Variants in ARIH1 observed in about 807,000 individuals in gnomAD.
ARIH1 encodes E3 ubiquitin-protein ligase ARIH1.
Under a neutral mutation model 85.0 loss-of-function variants are expected in ARIH1, and 8 were observed. The ratio of observed to expected loss-of-function variants is 0.09; its 90% CI spans 0.06 to 0.17. The LOEUF (loss-of-function observed/expected upper bound fraction) is 0.17, where lower values mean the gene tolerates loss of function less well. Among genes scored for constraint, ARIH1 ranks in the 10% least tolerant of loss-of-function variants. ARIH1 has a pLI of 1.00. For synonymous variants in ARIH1, 238 were observed against 253.6 expected (o/e 0.94, Z 0.59); for missense variants, 311 against 718.1 (o/e 0.43, Z 6.48).
At chr15:72,554,675 G>C (rs2064167490) in intron 3 of ARIH1, among the ~76,000 whole-genome samples, 1 of 152,168 alleles carries the variant, frequency 6.6e-6, no homozygotes, top group Non-Finnish European at 1.5e-5. Context: ...ATATGAGCCA[G>C]TGTGCTCTGC....
chr15:72,504,229 A>G (rs923956449), intron 1 of ARIH1, among the ~76,000 whole-genome samples: 2 of 151,902 alleles, frequency 1.3e-5, no homozygotes, highest in Non-Finnish European at 2.9e-5. Context: ...TAATTTTTGT[A>G]TTTTTAGTAG....
intron 11 of ARIH1, among the ~76,000 whole-genome samples, chr15:72,574,311 TC>T (rs2064260558): frequency 6.6e-6 from 1 of 152,234 alleles, no homozygotes; most frequent in South Asian, 2.1e-4. Context: ...AAGAAAGATT[TC>T]CTATCACTCC....
intron 8 of ARIH1, 95 bp from the exon 9 acceptor site, chr15:72,567,011 T>G: frequency 1.1e-6 from 1 of 894,684 alleles, no homozygotes; most frequent in Non-Finnish European, 1.7e-6. Context: ...ATTCATTGGC[T>G]TTTACATTTA....
At position 72,513,098 on chromosome 15, in the gene ARIH1, A is replaced by T. The variant is rs997952; in HGVS notation, c.376-4969A>T. 5.6e-3 allele frequency among the ~76,000 whole-genome samples: 849 copies of T among 152,036 alleles called. 10 individuals are homozygous for T. Among genetic ancestry groups the T allele is most frequent in the African/African-American group, 0.019 (795 of 41,470 alleles). On this transcript the variant is annotated intron_variant, in intron 1 of 13. Coordinates refer to ENST00000379887, the MANE Select transcript of ARIH1 (RefSeq NM_005744.5). ...GACAGCATAGAGTTTTGCCCTTTTT[A>T]AAAAAAAGATCTGAGCGGTTGCCCT...
At chr15:72,534,310 G>A (rs1169578165) in intron 2 of ARIH1, among the ~76,000 whole-genome samples, 1 of 151,882 alleles carries the variant, frequency 6.6e-6, no homozygotes, top group Non-Finnish European at 1.5e-5. Flanking sequence ...AAAAAAAACA[G>A]GGTAGTGATC....
intron 3 of ARIH1, among the ~76,000 whole-genome samples, chr15:72,547,932 A>G (rs905744923): frequency 9.8e-5 from 15 of 152,326 alleles, no homozygotes; most frequent in South Asian, 2.1e-4. Context: ...TGGTCTAACA[A>G]TCTCAACAAA....
Position 72,583,857 on chromosome 15 carries a change from A to G in ARIH1, c.*565A>G, listed in dbSNP as rs1274410468. On this transcript the variant is annotated 3_prime_UTR_variant, in exon 14 of 14. Transcript: ENST00000379887. ...GAGGATTCAACAAACGAAAAACATA[A>G]AAACTTTGTATATGACTTTTAAAAC... 1 of 152,340 alleles carries G rather than the reference A, an allele frequency of 6.6e-6. No homozygotes were observed. The highest frequency in any genetic ancestry group is 1.5e-5 in the Non-Finnish European group (1 of 68,118). The allele number at this position is 152,340 out of a possible 1,614,324, so 9.4% of individuals were successfully genotyped here. A position where few individuals can be genotyped will look rare whatever the true frequency, so the allele number is the denominator to read the frequency against.
chr15:72,512,085 G>C (rs557237558), intron 1 of ARIH1, among the ~76,000 whole-genome samples: 2 of 152,152 alleles, frequency 1.3e-5, no homozygotes, highest in South Asian at 4.1e-4. Flanking sequence ...TTTCATTGAG[G>C]ATTTTTGCAT....
chr15:72,474,915 G>T lies in ARIH1; in HGVS notation c.276G>T (p.Gly92=), dbSNP rs1027791581. The T allele has an allele frequency of 6.7e-7, 1 of 1,484,308 alleles. No homozygotes were observed. The highest frequency in any genetic ancestry group is 2.3e-5 in the Admixed American group (1 of 43,698). 91.9% of individuals were successfully genotyped at this position (1,484,308 alleles called of 1,614,324 possible). A position where few individuals can be genotyped will look rare whatever the true frequency, so the allele number is the denominator to read the frequency against. Residue 92 remains glycine (G), a synonymous_variant, in exon 1 of 14, where the codon GGG becomes GGT. Coordinates refer to ENST00000379887, the MANE Select transcript of ARIH1 (RefSeq NM_005744.5). ...GCGGCGGTGGTGGTGGCGGGCCGGG[G>T]CATGAGCAGGAGGAGGATTACCGCT... ...GGGGGGGGGP[G]HEQEEDYRYE... is the part of the protein sequence containing the mutation.
At position 72,518,206 on chromosome 15, in the gene ARIH1, T is replaced by G. The variant is rs1264902107; in HGVS notation, c.443+72T>G. ...GCCTATTGAACCGAATTTACAAGAATCAAGTAAGGGAATTGATGAATATAC... is the reference window on the plus strand; with the variant it reads ...GCCTATTGAACCGAATTTACAAGAAGCAAGTAAGGGAATTGATGAATATAC... On this transcript the variant is annotated intron_variant, in intron 2 of 13. Transcript: ENST00000379887. 3.0e-6 allele frequency: 4 copies of G among 1,312,134 alleles called. No homozygotes were observed. In the East Asian group the frequency reaches 9.4e-5, roughly 31 times the overall value. 81.3% of individuals were successfully genotyped at this position (1,312,134 alleles called of 1,614,324 possible). A position where few individuals can be genotyped will look rare whatever the true frequency, so the allele number is the denominator to read the frequency against.
chr15:72,519,841 G>C (rs1392359980), intron 2 of ARIH1, among the ~76,000 whole-genome samples: 1 of 151,764 alleles, frequency 6.6e-6, no homozygotes, highest in Non-Finnish European at 1.5e-5. Context: ...TTTACTTTCA[G>C]GTTTTTTTAT....
intron 1 of ARIH1, among the ~76,000 whole-genome samples, chr15:72,490,715 G>C (rs1016684597): frequency 2.3e-4 from 35 of 151,986 alleles, no homozygotes; most frequent in African/African-American, 8.0e-4. Flanking sequence ...GCAGGGATGG[G>C]AGAGGAAGCA....
At chr15:72,502,558 A>C (rs944546048) in intron 1 of ARIH1, among the ~76,000 whole-genome samples, 1 of 152,208 alleles carries the variant, frequency 6.6e-6, no homozygotes, top group Non-Finnish European at 1.5e-5. Context: ...TAATCCCAGC[A>C]CTTTGGGAGG....
intron 1 of ARIH1, among the ~76,000 whole-genome samples, chr15:72,492,326 G>A (rs1476985184): frequency 6.6e-6 from 1 of 152,110 alleles, no homozygotes; most frequent in Non-Finnish European, 1.5e-5. Flanking sequence ...AAGAGATTCT[G>A]GAAGAATAGC....
At chr15:72,519,147 A>G (rs1397867442) in intron 2 of ARIH1, among the ~76,000 whole-genome samples, 1 of 152,104 alleles carries the variant, frequency 6.6e-6, no homozygotes, top group Admixed American at 6.6e-5. Context: ...TCAATTCTAA[A>G]TTTAATAAAA....
intron 1 of ARIH1, among the ~76,000 whole-genome samples, chr15:72,482,111 C>T (rs1021341793): frequency 3.3e-5 from 5 of 152,158 alleles, no homozygotes; most frequent in Non-Finnish European, 5.9e-5. Context: ...GCTGGGATTA[C>T]AGGCATGAGC....
chr15:72,570,079 T>C (rs1595872648), intron 9 of ARIH1, 98 bp from the exon 10 acceptor site: 1 of 1,369,642 alleles, frequency 7.3e-7, no homozygotes, highest in Non-Finnish European at 1.0e-6. Flanking sequence ...ATAAATAAAA[T>C]GTTTAAAAAC....
At chr15:72,581,336 G>A (rs1036869033) in intron 12 of ARIH1, 3 of 193,734 alleles carry the variant, frequency 1.5e-5, no homozygotes, top group African/African-American at 2.3e-5. Context: ...TTGTTATGAG[G>A]TTTAAGTGAG....
intron 10 of ARIH1, 76 bp downstream of exon 10, chr15:72,570,383 A>G (rs988162272): frequency 1.3e-6 from 2 of 1,557,620 alleles, no homozygotes; most frequent in Non-Finnish European, 1.8e-6. Context: ...TTTCTACCTC[A>G]TAGATATCAC....
Sources: allele counts gnomAD v4.1 joint callset (sites outside exome capture counted in the v4.1 genomes callset), GRCh38; gene constraint gnomAD v4.1.1; transcripts MANE v1.5; gene names NCBI Gene and HGNC (gene_info 2026-07-23, HGNC 2026-07-21).